Variants in ULK4 observed in about 807,000 individuals in gnomAD.
ULK4 encodes inactive serine/threonine-protein kinase ULK4.
A neutral mutation model predicts 160.6 loss-of-function variants in ULK4; 133 were observed. The observed-to-expected ratio is 0.83, with a 90% CI of 0.72 to 0.96. The LOEUF is 0.96. Among genes scored for constraint, ULK4 ranks in the 40% least tolerant of loss-of-function variants. The pLI is 0.00. For synonymous variants in ULK4, 534 were observed against 539.8 expected, an observed-to-expected ratio of 0.99 and a Z score of 0.15; for missense variants, 1,580 against 1,499.5, an observed-to-expected ratio of 1.05 and a Z score of -0.89.
chr3:41,645,322 G>T (rs1031480561), intron 30 of ULK4, among the ~76,000 whole-genome samples: 16 of 151,440 alleles, frequency 1.1e-4, no homozygotes, highest in Admixed American at 5.9e-4. Context: ...TTTCTCTTGT[G>T]GGCATTTATT....
chr3:41,756,209 C>T (rs140643367), intron 21 of ULK4, among the ~76,000 whole-genome samples: 1 of 152,158 alleles, frequency 6.6e-6, no homozygotes, highest in African/African-American at 2.4e-5. Context: ...TAACCCCAAG[C>T]TCTGTGAAAA....
At chr3:41,531,514 AAAAG>A (rs2086317332) in intron 32 of ULK4, among the ~76,000 whole-genome samples, 1 of 136,152 alleles carries the variant, frequency 7.3e-6, no homozygotes, top group African/African-American at 2.9e-5. Context: ...AAAGAAAAGA[AAAAG>A]AAAAAGAAAA....
intron 27 of ULK4, among the ~76,000 whole-genome samples, chr3:41,688,997 T>C (rs564186028): frequency 6.6e-6 from 1 of 152,302 alleles, no homozygotes; most frequent in African/African-American, 2.4e-5. Context: ...CTTCAGTATT[T>C]TTTGTACTCT....
intron 31 of ULK4, among the ~76,000 whole-genome samples, chr3:41,609,429 G>A (rs546362559): frequency 2.0e-5 from 3 of 152,212 alleles, no homozygotes; most frequent in Admixed American, 2.0e-4. Flanking sequence ...AAGCCACCAA[G>A]AAGGGATTTA....
At chr3:41,491,375 C>T (rs1011263931) in intron 32 of ULK4, among the ~76,000 whole-genome samples, 1 of 151,858 alleles carries the variant, frequency 6.6e-6, no homozygotes. Context: ...TAACTAGAAG[C>T]AACAATGACC....
At chr3:41,289,321 A>G (rs2125701181) in intron 35 of ULK4, among the ~76,000 whole-genome samples, 1 of 152,312 alleles carries the variant, frequency 6.6e-6, no homozygotes, top group African/African-American at 2.4e-5. Context: ...AGGAGAGGAC[A>G]CAGTGCACCG....
At chr3:41,366,548 T>TAC (rs148305509) in intron 35 of ULK4, among the ~76,000 whole-genome samples, 38,213 of 148,612 alleles carry the variant, frequency 0.26, 5,307 homozygotes, top group African/African-American at 0.36. Context: ...AAAATATGGC[T>TAC]ACACACACAC....
intron 17 of ULK4, among the ~76,000 whole-genome samples, chr3:41,847,749 A>G (rs1005487609): frequency 5.9e-5 from 9 of 152,128 alleles, no homozygotes; most frequent in African/African-American, 1.9e-4. Flanking sequence ...TCCATGTTCT[A>G]TTTTATTTGT....
chr3:41,917,522 T>G (rs1418791400), intron 7 of ULK4, among the ~76,000 whole-genome samples: 2 of 152,168 alleles, frequency 1.3e-5, no homozygotes, highest in African/African-American at 4.8e-5. Flanking sequence ...TTCATTTATG[T>G]GTCTTAAGAT....
chr3:41,312,539 T>A (rs1453408906), intron 35 of ULK4, among the ~76,000 whole-genome samples: 1 of 152,150 alleles, frequency 6.6e-6, no homozygotes, highest in Non-Finnish European at 1.5e-5. Context: ...CTTAGGCCTA[T>A]AAACCTAGAA....
intron 34 of ULK4, among the ~76,000 whole-genome samples, chr3:41,400,510 A>G (rs866949389): frequency 2.6e-5 from 4 of 152,210 alleles, no homozygotes; most frequent in Admixed American, 6.5e-5. Flanking sequence ...GTGTATCAAT[A>G]GTTCATTTCT....
intron 34 of ULK4, among the ~76,000 whole-genome samples, chr3:41,423,882 A>T (rs1363492076): frequency 2.0e-5 from 3 of 152,132 alleles, no homozygotes; most frequent in Non-Finnish European, 4.4e-5. Context: ...AGATCAAGAG[A>T]TCCCCCTCAT....
At chr3:41,702,759 T>A (rs1461590405) in intron 27 of ULK4, among the ~76,000 whole-genome samples, 1 of 151,426 alleles carries the variant, frequency 6.6e-6, no homozygotes. Flanking sequence ...AGAGATAAAT[T>A]CATAATAGTA....
chr3:41,356,686 A>T (rs1426700585), intron 35 of ULK4, among the ~76,000 whole-genome samples: 1 of 152,206 alleles, frequency 6.6e-6, no homozygotes, highest in Admixed American at 6.5e-5. Context: ...TAAAATAAAG[A>T]TTTAATTTTG....
In ULK4 at chr3:41,658,731, A is replaced by ACACACACACACACACACACACACTCT. The variant is rs1553628710; in HGVS notation, c.3071+4875_3071+4876insAGAGTGTGTGTGTGTGTGTGTGTGTG. Reference sequence around the variant, plus strand: ...CTACTGTGTATGTGAAAAACAGTACACACACACACACACACACACACACAC... The same window carrying ACACACACACACACACACACACACTCT: ...CTACTGTGTATGTGAAAAACAGTACACACACACACACACACACACACACTCTCACACACACACACACACACACACAC... On this transcript the variant is annotated intron_variant, in intron 30 of 36. Coordinates refer to ENST00000301831, the MANE Select transcript of ULK4 (RefSeq NM_017886.4). 4.3e-3 allele frequency among the ~76,000 whole-genome samples: 578 copies of ACACACACACACACACACACACACTCT among 135,236 alleles called. 6 individuals are homozygous for ACACACACACACACACACACACACTCT. Among genetic ancestry groups the ACACACACACACACACACACACACTCT allele is most frequent in the African/African-American group, 0.015 (544 of 37,264 alleles). 88.7% of individuals were successfully genotyped at this position (135,236 alleles called of 152,430 possible).
chr3:41,371,039 C>G (rs943872547), intron 35 of ULK4, among the ~76,000 whole-genome samples: 27 of 152,194 alleles, frequency 1.8e-4, no homozygotes, highest in African/African-American at 6.3e-4. Context: ...GAAGTTTGAA[C>G]TGGGCAGAGC....
At chr3:41,601,952 G>C (rs2032095174) in intron 31 of ULK4, among the ~76,000 whole-genome samples, 1 of 152,106 alleles carries the variant, frequency 6.6e-6, no homozygotes, top group Non-Finnish European at 1.5e-5. Context: ...CTAGCACTTT[G>C]GGAGGCCAAG....
intron 22 of ULK4, among the ~76,000 whole-genome samples, chr3:41,724,505 A>G (rs2037579547): frequency 6.6e-6 from 1 of 152,006 alleles, no homozygotes; most frequent in African/African-American, 2.4e-5. Context: ...CGGGTGGATC[A>G]TGAGGTCAGG....
chr3:41,637,830 G>A lies in ULK4; in HGVS notation c.3072-22113C>T, dbSNP rs547867727. On this transcript the variant is annotated intron_variant, in intron 30 of 36. Transcript: ENST00000301831. ...TTCTTCATAGATCTGTTGGTTATCT[G>A]GGTATCTTCTTTTGAGAAACGTCCA... 1.6e-4 allele frequency among the ~76,000 whole-genome samples: 24 copies of A among 152,232 alleles called. No individual in the cohort carries two copies. The East Asian group carries it at 4.6e-3, about 29-fold the overall frequency.
Sources: allele counts gnomAD v4.1 joint callset (sites outside exome capture counted in the v4.1 genomes callset), GRCh38; gene constraint gnomAD v4.1.1; transcripts MANE v1.5; gene names NCBI Gene and HGNC (gene_info 2026-07-23, HGNC 2026-07-21).